Variants in SPAG16 observed in about 807,000 individuals in gnomAD.
The protein encoded by SPAG16 is sperm associated antigen 16.
A neutral mutation model predicts 80.4 loss-of-function variants in SPAG16; 86 were observed. The observed-to-expected ratio is 1.07, with a 90% confidence interval of 0.90 to 1.28. The LOEUF (loss-of-function observed/expected upper bound fraction) is 1.28. Among genes scored for constraint, SPAG16 ranks in the 50% most tolerant of loss-of-function variants. The pLI is 0.00. For missense variants in SPAG16, 870 were observed against 765.3 expected, an observed-to-expected ratio of 1.14 and a Z score of -1.61; for synonymous variants, 294 against 265.9, an observed-to-expected ratio of 1.11 and a Z score of -1.03.
intron 15 of SPAG16, among the ~76,000 whole-genome samples, chr2:214,166,204 T>G (rs983574553): frequency 6.6e-6 from 1 of 152,150 alleles, no homozygotes; most frequent in Non-Finnish European, 1.5e-5. Context: ...ATCATCTAGA[T>G]AGAGAGGTAT....
At chr2:213,617,636 C>T (rs555226577) in intron 10 of SPAG16, among the ~76,000 whole-genome samples, 3 of 152,124 alleles carry the variant, frequency 2.0e-5, no homozygotes, top group South Asian at 2.1e-4. Flanking sequence ...CCACTATGCC[C>T]GGCCCAAAAT....
At position 214,351,728 on chromosome 2, in the gene SPAG16, C is replaced by A. The variant is rs867093865; in HGVS notation, c.1721-58412C>A. Among the ~76,000 whole-genome samples the A allele has an allele frequency of 8.1e-3, 1,074 of 132,466 alleles. 11 individuals carry two copies. Among genetic ancestry groups the A allele is most frequent in the African/African-American group, 0.026 (1,029 of 39,486 alleles). The allele number at this position is 132,466 out of a possible 152,430, so 86.9% of individuals were successfully genotyped here. A position where few individuals can be genotyped will look rare whatever the true frequency, so the allele number is the denominator to read the frequency against. The stretch of plus-strand genomic sequence containing the variant: ...AAAACAAACAAACAAACAAAAAAAA[C>A]AACAAAACTTAAATATTGACAGTGA... On this transcript the variant is annotated intron_variant, in intron 15 of 15. Transcript: ENST00000331683.
At chr2:213,520,678 G>C (rs1168973952) in intron 10 of SPAG16, among the ~76,000 whole-genome samples, 1 of 152,180 alleles carries the variant, frequency 6.6e-6, no homozygotes, top group Non-Finnish European at 1.5e-5. Flanking sequence ...CTACTACTGT[G>C]TTCTAATTGC....
chr2:213,791,306 A>G (rs2070688757), intron 10 of SPAG16, among the ~76,000 whole-genome samples: 1 of 152,104 alleles, frequency 6.6e-6, no homozygotes, highest in African/African-American at 2.4e-5. Flanking sequence ...AAAAAAACAT[A>G]AATCCTTTGC....
At chr2:214,202,168 C>G (rs995754422) in intron 15 of SPAG16, among the ~76,000 whole-genome samples, 2 of 152,138 alleles carry the variant, frequency 1.3e-5, no homozygotes, top group Admixed American at 6.5e-5. Flanking sequence ...TCTTATAACA[C>G]GTTTATTTAC....
chr2:214,381,631 A>G (rs569529263), intron 15 of SPAG16, among the ~76,000 whole-genome samples: 3 of 152,328 alleles, frequency 2.0e-5, no homozygotes, highest in East Asian at 3.9e-4. Flanking sequence ...GCTGGATTCT[A>G]TGGGTGAAGC....
chr2:213,488,765 C>T (rs1468822513), intron 9 of SPAG16, among the ~76,000 whole-genome samples: 2 of 152,014 alleles, frequency 1.3e-5, no homozygotes, highest in Non-Finnish European at 2.9e-5. Context: ...CGAATATGTA[C>T]TACTTTGTTA....
In SPAG16 at chr2:214,113,192, T is replaced by C. The variant is rs528153533; in HGVS notation, c.1593+4931T>C. 3.3e-5 allele frequency among the ~76,000 whole-genome samples: 5 copies of C among 152,362 alleles called. No homozygotes were observed. The South Asian group carries it at 1.0e-3, about 32-fold the overall frequency. The stretch of plus-strand genomic sequence containing the variant: ...AGGTTTCTATTGAGAGATCCTCTGT[T>C]AGTCTGATGGGCTTCCCTTTGTGGG... On this transcript the variant is annotated intron_variant, in intron 14 of 15. Coordinates refer to ENST00000331683, the MANE Select transcript of SPAG16 (RefSeq NM_024532.5).
intron 10 of SPAG16, among the ~76,000 whole-genome samples, chr2:213,830,006 T>C (rs2073537851): frequency 6.6e-6 from 1 of 152,170 alleles, no homozygotes; most frequent in African/African-American, 2.4e-5. Context: ...TTAGCCACCA[T>C]GGCTTGTGTC....
At chr2:214,168,008 T>A (rs2056729308) in intron 15 of SPAG16, among the ~76,000 whole-genome samples, 1 of 150,284 alleles carries the variant, frequency 6.7e-6, no homozygotes, top group Admixed American at 6.7e-5. Flanking sequence ...TTTTTTTTTT[T>A]GAGATAGAGT....
intron 10 of SPAG16, among the ~76,000 whole-genome samples, chr2:213,847,204 T>G (rs556488303): frequency 7.9e-5 from 12 of 152,264 alleles, no homozygotes; most frequent in African/African-American, 2.9e-4. Context: ...CTCAGGATAA[T>G]TTTCCTATTT....
chr2:214,053,017 C>T (rs2049743171), intron 13 of SPAG16, among the ~76,000 whole-genome samples: 1 of 152,116 alleles, frequency 6.6e-6, no homozygotes, highest in Non-Finnish European at 1.5e-5. Context: ...TTTGAGACCA[C>T]TACTCAAATA....
intron 15 of SPAG16, among the ~76,000 whole-genome samples, chr2:214,366,344 G>A (rs1444476435): frequency 2.0e-5 from 3 of 152,194 alleles, no homozygotes; most frequent in East Asian, 3.8e-4. Flanking sequence ...GACTATGGTC[G>A]TAGCAGGTAT....
chr2:214,290,881 G>A (rs1576692992), intron 15 of SPAG16, among the ~76,000 whole-genome samples: 2 of 152,298 alleles, frequency 1.3e-5, no homozygotes, highest in African/African-American at 2.4e-5. Context: ...TCCTGTAAAT[G>A]TCTGTTAGGT....
At chr2:213,299,567 C>A (rs2062640434) in intron 3 of SPAG16, among the ~76,000 whole-genome samples, 1 of 151,984 alleles carries the variant, frequency 6.6e-6, no homozygotes, top group South Asian at 2.1e-4. Context: ...TGTGAGCCAC[C>A]ACACTGGGCC....
intron 10 of SPAG16, among the ~76,000 whole-genome samples, chr2:213,645,020 G>A (rs527944174): frequency 4.6e-5 from 7 of 152,296 alleles, no homozygotes; most frequent in African/African-American, 9.6e-5. Context: ...AACCTTAGAC[G>A]TCTGCCTGGT....
At chr2:213,934,474 T>C (rs1389781491) in intron 12 of SPAG16, among the ~76,000 whole-genome samples, 1 of 152,176 alleles carries the variant, frequency 6.6e-6, no homozygotes, top group Non-Finnish European at 1.5e-5. Context: ...TGGGGATGTT[T>C]CTTTTTTTGG....
At chr2:213,954,184 T>C (rs976070174) in intron 12 of SPAG16, among the ~76,000 whole-genome samples, 19 of 151,382 alleles carry the variant, frequency 1.3e-4, no homozygotes, top group Non-Finnish European at 2.4e-4. Flanking sequence ...TGCCAGGCTG[T>C]AGTGCTGCGG....
chr2:214,140,102 C>G (rs1048948851), intron 14 of SPAG16, among the ~76,000 whole-genome samples: 2 of 152,160 alleles, frequency 1.3e-5, no homozygotes, highest in Middle Eastern at 3.2e-3. Flanking sequence ...CTCAGGCACA[C>G]TTTTACAAGA....
Sources: gnomAD v4.1 joint callset for allele counts (sites outside exome capture counted in the v4.1 genomes callset) on GRCh38, gnomAD v4.1.1 for gene constraint, MANE v1.5 for transcripts, NCBI Gene and HGNC (gene_info 2026-07-23, HGNC 2026-07-21) for gene names.